Variants in IQCM observed in about 807,000 individuals in gnomAD.
IQCM encodes the protein IQ domain-containing protein M.
A neutral mutation model predicts 57.6 loss-of-function variants in IQCM; 45 were observed. That is an observed-to-expected ratio of 0.78 (90% confidence interval 0.62 to 1.00). IQCM has a LOEUF of 1.00. IQCM is among the 50% of genes least tolerant of loss of function. IQCM has a pLI of 0.00. For missense variants in IQCM, 468 were observed against 511.6 expected (o/e 0.91, Z 0.82); for synonymous variants, 148 against 158.9 (o/e 0.93, Z 0.51).
At chr4:149,380,746 C>T (rs973356023) in intron 13 of IQCM, among the ~76,000 whole-genome samples, 1 of 151,964 alleles carries the variant, frequency 6.6e-6, no homozygotes, top group African/African-American at 2.4e-5. Flanking sequence ...CTAAGACATC[C>T]CACAGTCCAG....
Position 149,391,137 on chromosome 4 carries a change from T to C in IQCM, c.1391-39071A>G, listed in dbSNP as rs532406675. Among the ~76,000 whole-genome samples, 61 of 152,074 alleles carry C rather than the reference T, an allele frequency of 4.0e-4. 1 individual carries two copies. Among genetic ancestry groups the C allele is most frequent in the African/African-American group, 1.3e-3 (54 of 41,556 alleles). ...AAGCTTTCTGGACCTGGGATTTTCC[T>C]TATGAGAAGGGTTTTAACTAGTAGT... On this transcript the variant is annotated intron_variant, in intron 13 of 13. Coordinates refer to ENST00000636793, the MANE Select transcript of IQCM (RefSeq NM_001363507.2).
chr4:149,551,140 C>A (rs1274462241), intron 11 of IQCM, among the ~76,000 whole-genome samples: 1 of 152,180 alleles, frequency 6.6e-6, no homozygotes, highest in Non-Finnish European at 1.5e-5. Context: ...TCATTTTGCT[C>A]TGCTCCAGTC....
At chr4:149,594,110 T>A (rs1253293774) in intron 8 of IQCM, among the ~76,000 whole-genome samples, 1 of 152,228 alleles carries the variant, frequency 6.6e-6, no homozygotes, top group Non-Finnish European at 1.5e-5. Flanking sequence ...ATTGGTAGGC[T>A]ATTAATTATT....
intron 13 of IQCM, among the ~76,000 whole-genome samples, chr4:149,418,453 C>T (rs1026822669): frequency 2.0e-5 from 3 of 151,922 alleles, no homozygotes; most frequent in Admixed American, 6.6e-5. Flanking sequence ...AATAAATAGC[C>T]TACCAAGGAA....
At position 149,583,912 on chromosome 4, in the gene IQCM, A is replaced by G. The variant is rs535983029; in HGVS notation, c.749+4018T>C. On this transcript the variant is annotated intron_variant, in intron 9 of 13. Transcript: ENST00000636793. Reference sequence around the variant, plus strand: ...ACTAAAAAAGAGAAAATATATTAATAAAGAAGTAGTTGAAAAATATGATGC... The same window carrying G: ...ACTAAAAAAGAGAAAATATATTAATGAAGAAGTAGTTGAAAAATATGATGC... Among the ~76,000 whole-genome samples, 59 of 151,638 alleles carry G rather than the reference A, an allele frequency of 3.9e-4. 2 individuals are homozygous for G. Among genetic ancestry groups the G allele is most frequent in the African/African-American group, 1.3e-3 (56 of 41,510 alleles).
chr4:149,603,144 A>G (rs1335351935), intron 8 of IQCM, among the ~76,000 whole-genome samples: 1 of 152,138 alleles, frequency 6.6e-6, no homozygotes, highest in East Asian at 1.9e-4. Context: ...CTATATAGAA[A>G]GGTTAATTTG....
At chr4:149,612,617 AAAAC>A (rs1755398874) in intron 8 of IQCM, among the ~76,000 whole-genome samples, 1 of 152,160 alleles carries the variant, frequency 6.6e-6, no homozygotes. Flanking sequence ...ATTGTTTTAA[AAAAC>A]AAAAAAAGCG....
intron 2 of IQCM, among the ~76,000 whole-genome samples, chr4:149,750,898 T>C (rs905227918): frequency 3.9e-5 from 6 of 152,302 alleles, no homozygotes; most frequent in Non-Finnish European, 8.8e-5. Context: ...TGCTTAGAAA[T>C]AGTGATGTTA....
intron 12 of IQCM, among the ~76,000 whole-genome samples, chr4:149,447,808 T>C (rs1353730675): frequency 6.6e-6 from 1 of 151,564 alleles, no homozygotes; most frequent in African/African-American, 2.4e-5. Flanking sequence ...GCATAAGATA[T>C]ATGAATGAAA....
At chr4:149,743,369 G>A (rs965573667) in intron 2 of IQCM, among the ~76,000 whole-genome samples, 2 of 152,002 alleles carry the variant, frequency 1.3e-5, no homozygotes, top group Non-Finnish European at 2.9e-5. Flanking sequence ...CTTAAATACA[G>A]TAGTTATGTT....
chr4:149,389,766 G>T (rs1465361285), intron 13 of IQCM, among the ~76,000 whole-genome samples: 1 of 151,300 alleles, frequency 6.6e-6, no homozygotes, highest in Non-Finnish European at 1.5e-5. Context: ...TAGATGACGA[G>T]TTAGTGGGTG....
At chr4:149,434,404 T>C (rs908411687) in intron 12 of IQCM, among the ~76,000 whole-genome samples, 1 of 152,114 alleles carries the variant, frequency 6.6e-6, no homozygotes, top group Non-Finnish European at 1.5e-5. Context: ...TTTTGGTTGA[T>C]AAGCCAGGGT....
At chr4:149,753,893 T>G (rs2149943167) in intron 2 of IQCM, among the ~76,000 whole-genome samples, 1 of 151,936 alleles carries the variant, frequency 6.6e-6, no homozygotes, top group Admixed American at 6.5e-5. Flanking sequence ...ATCTAGAGAT[T>G]AAAAGTACAT....
At chr4:149,402,555 T>G (rs559947522) in intron 13 of IQCM, among the ~76,000 whole-genome samples, 1 of 151,786 alleles carries the variant, frequency 6.6e-6, no homozygotes, top group Non-Finnish European at 1.5e-5. Flanking sequence ...TGAGACAGAA[T>G]AAGAGAGGAG....
chr4:149,791,468 A>G (rs1303528326), intron 2 of IQCM, among the ~76,000 whole-genome samples: 1 of 152,054 alleles, frequency 6.6e-6, no homozygotes, highest in African/African-American at 2.4e-5. Context: ...TGAAATATGC[A>G]AAAAAATGGT....
intron 2 of IQCM, among the ~76,000 whole-genome samples, chr4:149,768,020 T>G (rs1444442169): frequency 6.6e-6 from 1 of 152,124 alleles, no homozygotes; most frequent in Non-Finnish European, 1.5e-5. Flanking sequence ...AAAAAATTCA[T>G]GTGAAATGAA....
intron 5 of IQCM, among the ~76,000 whole-genome samples, chr4:149,711,948 C>A (rs192109137): frequency 1.3e-5 from 2 of 152,240 alleles, no homozygotes; most frequent in Non-Finnish European, 2.9e-5. Context: ...TCAGAGTACT[C>A]ACTGGGCTTC....
At chr4:149,430,670 C>A (rs1319403154) in intron 13 of IQCM, among the ~76,000 whole-genome samples, 1 of 151,970 alleles carries the variant, frequency 6.6e-6, no homozygotes, top group African/African-American at 2.4e-5. Flanking sequence ...TTATATGTAT[C>A]AAAGGTATCC....
At chr4:149,486,935 C>T (rs961041484) in intron 12 of IQCM, among the ~76,000 whole-genome samples, 1 of 152,102 alleles carries the variant, frequency 6.6e-6, no homozygotes, top group Non-Finnish European at 1.5e-5. Context: ...CCTACTGTGG[C>T]CAAGCTGGCA....
Sources: gnomAD v4.1 joint callset for allele counts (sites outside exome capture counted in the v4.1 genomes callset) on GRCh38, gnomAD v4.1.1 for gene constraint, MANE v1.5 for transcripts, NCBI Gene and HGNC (gene_info 2026-07-23, HGNC 2026-07-21) for gene names.